The following DDX23 variants were observed in gnomAD, a reference collection of about 807,000 sequenced individuals.
The protein encoded by DDX23 is DEAD-box helicase 23.
In DDX23, 33 loss-of-function variants were observed where a neutral mutation model predicts 102.7. The ratio of observed to expected loss-of-function variants is 0.32; its 90% CI spans 0.24 to 0.43. The LOEUF is 0.43. Ranked by LOEUF, DDX23 falls within the 20% of genes least tolerant of loss-of-function variation. DDX23 has a pLI of 1.00. For synonymous variants in DDX23, 352 were observed against 376.0 expected, an observed-to-expected ratio of 0.94 and a Z score of 0.74; for missense variants, 549 against 1,086.6, an observed-to-expected ratio of 0.51 and a Z score of 6.96.
chr12:48,843,644 G>T (rs111669818), intron 3 of DDX23, among the ~76,000 whole-genome samples: 1 of 150,446 alleles, frequency 6.6e-6, no homozygotes, highest in African/African-American at 2.4e-5. Flanking sequence ...CGCCTCCCGG[G>T]TTCACGCCAT....
At position 48,836,692 on chromosome 12, in the gene DDX23, C is replaced by A; in HGVS notation, c.1113G>T (p.Arg371=). 1 of 1,614,214 alleles carries A rather than the reference C, an allele frequency of 6.2e-7. No individual in the cohort carries two copies. Among genetic ancestry groups the A allele is most frequent in the South Asian group, 1.1e-5 (1 of 91,080 alleles). The change falls in exon 10 of 17, where the codon CGG becomes CGT. Residue 371 remains arginine, a synonymous_variant. Coordinates refer to ENST00000308025, the MANE Select transcript of DDX23 (RefSeq NM_004818.3). This position sits in a 1 kb window ranked among gnomAD's most constrained non-coding sequence, Gnocchi z 6.1. The stretch of plus-strand genomic sequence containing the variant: ...TGATGCTGTAGTCCTCACGGAAGAT[C>A]CGCCAGTCCCTGTCCGTCATCTCAT... ...KLDEMTDRDW[R]IFREDYSITT...
intron 5 of DDX23, among the ~76,000 whole-genome samples, chr12:48,838,582 T>C (rs1592201638): frequency 1.4e-5 from 2 of 147,458 alleles, no homozygotes; most frequent in African/African-American, 5.0e-5. Flanking sequence ...CCGAGTGCGG[T>C]GGCTTGTGCC....
intron 2 of DDX23, among the ~76,000 whole-genome samples, 155 bp from the exon 3 acceptor site, chr12:48,844,205 C>G (rs1037837882): frequency 6.6e-6 from 1 of 152,198 alleles, no homozygotes; most frequent in African/African-American, 2.4e-5. Flanking sequence ...TTCTAAGAAG[C>G]TTTTATAGAT....
Position 48,830,642 on chromosome 12 carries a change from C to A in DDX23, c.2290G>T (p.Ala764Ser), listed in dbSNP as rs751309566. 5 of 1,613,904 alleles carry A rather than the reference C, an allele frequency of 3.1e-6. No homozygotes were observed. The highest frequency in any genetic ancestry group is 4.2e-6 in the Non-Finnish European group (5 of 1,179,890). Residue 764 changes from alanine (A) to serine (S), a missense_variant, in exon 17 of 17, where the codon GCC becomes TCC. Ala to Ser is a moderately conservative substitution (Grantham distance 99, BLOSUM62 1). Transcript: ENST00000308025. The surrounding 1 kb of genome is among the most constrained non-coding windows in gnomAD (Gnocchi z 4.9). Reference sequence around the variant, plus strand: ...TCCTCTTTTGTGAGGAAGGTGATGGCCACCCCACTCTTGCCTGCTCGTCCC... The same window carrying A: ...TCCTCTTTTGTGAGGAAGGTGATGGACACCCCACTCTTGCCTGCTCGTCCC... ...RTGRAGKSGV[A>S]ITFLTKEDSA...
intron 1 of DDX23, among the ~76,000 whole-genome samples, chr12:48,850,634 T>C (rs1170363184): frequency 1.3e-5 from 2 of 152,086 alleles, no homozygotes; most frequent in South Asian, 4.1e-4. Flanking sequence ...TAACAGGAGT[T>C]AGCCACGGGA....
At chr12:48,850,606 T>C (rs1938741016) in intron 1 of DDX23, among the ~76,000 whole-genome samples, 1 of 152,094 alleles carries the variant, frequency 6.6e-6, no homozygotes, top group Non-Finnish European at 1.5e-5. Context: ...AGCTCCAGAA[T>C]TGAGCTCTGG....
At chr12:48,848,291 C>T (rs11168756) in intron 1 of DDX23, among the ~76,000 whole-genome samples, 1 of 141,650 alleles carries the variant, frequency 7.1e-6, no homozygotes, top group African/African-American at 2.6e-5. Context: ...GTCTCAAAAA[C>T]AAAACAAAAC....
At position 48,836,286 on chromosome 12, in the gene DDX23, G is replaced by C. The variant is rs1010308258; in HGVS notation, c.1237-20C>G. On this transcript the variant is annotated intron_variant, in intron 10 of 16. Transcript: ENST00000308025. The surrounding 1 kb of genome is among the most constrained non-coding windows in gnomAD (Gnocchi z 6.1). Reference sequence around the variant, plus strand: ...TGGTTCCTGCAGTGACCCCAAGAAAGAGTAATAGGTACAGGGAGAGTTATA... The same window carrying C: ...TGGTTCCTGCAGTGACCCCAAGAAACAGTAATAGGTACAGGGAGAGTTATA... 5.0e-6 allele frequency: 8 copies of C among 1,613,574 alleles called. No individual in the cohort carries two copies. The African/African-American group carries it at 6.7e-5, about 13-fold the overall frequency.
At chr12:48,849,063 A>T (rs1484587163) in intron 1 of DDX23, among the ~76,000 whole-genome samples, 1 of 151,886 alleles carries the variant, frequency 6.6e-6, no homozygotes, top group African/African-American at 2.4e-5. Flanking sequence ...ACTAATTCTT[A>T]AAATTTTTAT....
intron 2 of DDX23, among the ~76,000 whole-genome samples, chr12:48,844,943 G>T (rs577054899): frequency 5.3e-5 from 8 of 150,000 alleles, no homozygotes; most frequent in Non-Finnish European, 8.9e-5. Flanking sequence ...ACCTGAGGTC[G>T]GAAGATTGAG....
In DDX23 at chr12:48,833,466, C is replaced by T. The variant is rs1323437435; in HGVS notation, c.1614G>A (p.Leu538=). Residue 538 remains leucine, a synonymous_variant, in exon 13 of 17, where the codon CTG becomes CTA. Transcript: ENST00000308025. ...RLIDVLENRY[L]VLSRCTYVVL... is the part of the protein sequence containing the mutation. ...CCACATAGGTACAGCGGCTCAGCAC[C>T]AGGTAGCGGTTCTCCAGCACATCAA... is the stretch of plus-strand genomic sequence containing the variant. The T allele has an allele frequency of 6.2e-7, 1 of 1,614,050 alleles. No homozygotes were observed. The highest frequency in any genetic ancestry group is 1.3e-5 in the African/African-American group (1 of 74,924).
At chr12:48,834,579 T>C in intron 11 of DDX23, 82 bp from the exon 12 acceptor site, 1 of 1,352,032 alleles carries the variant, frequency 7.4e-7, no homozygotes, top group Non-Finnish European at 1.0e-6. Flanking sequence ...AAGTCACTCT[T>C]ACGGGGAGCA....
chr12:48,839,521 T>C (rs1938514609), intron 5 of DDX23: 2 of 183,074 alleles, frequency 1.1e-5, no homozygotes, highest in Admixed American at 7.2e-5. Context: ...ATCATGCCAC[T>C]GTACTCCATC....
chr12:48,850,434 G>C (rs552808159), intron 1 of DDX23, among the ~76,000 whole-genome samples: 4 of 152,194 alleles, frequency 2.6e-5, no homozygotes, highest in Non-Finnish European at 5.9e-5. Flanking sequence ...AATATCTGTG[G>C]AGATTCCCAG....
In DDX23 at chr12:48,837,089, G is replaced by C. The variant is rs777475126; in HGVS notation, c.867-52C>G. On this transcript the variant is annotated intron_variant, in intron 8 of 16. Coordinates refer to ENST00000308025, the MANE Select transcript of DDX23 (RefSeq NM_004818.3). Reference sequence around the variant, plus strand: ...AAAGAAGGAGCTGTTAACGGCAGTAGGAAGGAAGGGCAGACTACTAGTATG... The same window carrying C: ...AAAGAAGGAGCTGTTAACGGCAGTACGAAGGAAGGGCAGACTACTAGTATG... The C allele has an allele frequency of 3.7e-6, 6 of 1,609,928 alleles. No homozygotes were observed. The African/African-American group carries it at 8.0e-5, about 22-fold the overall frequency.
chr12:48,837,217 A>G lies in DDX23; in HGVS notation c.866+64T>C, dbSNP rs771947447. ...CTTATCTTACTTCCTCCACCTCCGT[A>G]GTCATCAGCTCTCTAGGACTGCCTA... On this transcript the variant is annotated intron_variant, in intron 8 of 16. Coordinates refer to ENST00000308025, the MANE Select transcript of DDX23 (RefSeq NM_004818.3). 479 of 1,572,558 alleles carry G rather than the reference A, an allele frequency of 3.0e-4. 2 individuals carry two copies. The highest frequency in any genetic ancestry group is 5.5e-5 in the Non-Finnish European group (63 of 1,146,160).
At chr12:48,837,695 T>C (rs1455930135) in intron 6 of DDX23, 38 bp from the exon 7 acceptor site, 22 of 1,611,138 alleles carry the variant, frequency 1.4e-5, no homozygotes, top group Non-Finnish European at 1.9e-5. Context: ...GAAGAGCTCA[T>C]GGAAGAAAAG....
chr12:48,833,270 G>C lies in DDX23; in HGVS notation c.1803+7C>G. 1 of 1,614,072 alleles carries C rather than the reference G, an allele frequency of 6.2e-7. No homozygotes were observed. Among genetic ancestry groups the C allele is most frequent in the Admixed American group, 1.7e-5 (1 of 60,022 alleles). ...CAACTTTTCCCAGCCCAGGGAAGCA[G>C]CCTTACTTGGCGGTACTTATGTTTT... On this transcript the variant is annotated splice_region_variant and intron_variant, in intron 13 of 16. Transcript: ENST00000308025.
At chr12:48,831,369 C>T (rs1276073539) in intron 15 of DDX23, 53 bp from the exon 16 acceptor site, 1 of 1,578,288 alleles carries the variant, frequency 6.3e-7, no homozygotes, top group Non-Finnish European at 8.7e-7. Context: ...AGGAGAGACA[C>T]AGGAGTTCAG....
Sources: gnomAD v4.1 joint callset for allele counts (sites outside exome capture counted in the v4.1 genomes callset) on GRCh38, gnomAD v4.1.1 for gene constraint, Gnocchi (gnomAD v3.1) non-coding constraint, MANE v1.5 for transcripts, NCBI Gene and HGNC (gene_info 2026-07-23, HGNC 2026-07-21) for gene names.